Variants in SEC23A observed in about 807,000 individuals in gnomAD.
SEC23A encodes protein transport protein Sec23A.
Under a neutral mutation model 103.7 loss-of-function variants are expected in SEC23A, and 56 were observed. The observed-to-expected ratio is 0.54, with a 90% CI of 0.44 to 0.67. The LOEUF is 0.67. SEC23A is among the 30% of genes least tolerant of loss of function. The pLI is 0.00. For synonymous variants in SEC23A, 281 were observed against 293.0 expected (o/e 0.96, Z 0.42); for missense variants, 784 against 936.4 (o/e 0.84, Z 2.12).
chr14:39,085,321 T>C (rs1407562803), intron 7 of SEC23A, among the ~76,000 whole-genome samples: 1 of 152,170 alleles, frequency 6.6e-6, no homozygotes, highest in African/African-American at 2.4e-5. Context: ...AATATCTTTA[T>C]CATAAACCGA....
chr14:39,069,274 T>C (rs1886768325), intron 9 of SEC23A, among the ~76,000 whole-genome samples: 1 of 152,178 alleles, frequency 6.6e-6, no homozygotes, highest in Non-Finnish European at 1.5e-5. Flanking sequence ...GCGATCCTTT[T>C]AAACTATTAA....
At chr14:39,050,556 G>A (rs1886020993) in intron 14 of SEC23A, among the ~76,000 whole-genome samples, 1 of 152,216 alleles carries the variant, frequency 6.6e-6, no homozygotes. Context: ...AGGATGGCTA[G>A]CAATGCAGCT....
chr14:39,087,086 G>A, intron 5 of SEC23A, 78 bp from the exon 6 acceptor site: 2 of 889,824 alleles, frequency 2.2e-6, no homozygotes, highest in Admixed American at 3.5e-5. Flanking sequence ...TGTATAAAAT[G>A]CTGTGCTAGA....
At chr14:39,081,220 A>AAC (rs1555329702) in intron 7 of SEC23A, among the ~76,000 whole-genome samples, 1 of 151,868 alleles carries the variant, frequency 6.6e-6, no homozygotes, top group Non-Finnish European at 1.5e-5. Context: ...AAAAAAAAAA[A>AAC]ACACACACAC....
At chr14:39,099,068 C>A (rs866789305) in intron 1 of SEC23A, among the ~76,000 whole-genome samples, 2 of 151,244 alleles carry the variant, frequency 1.3e-5, no homozygotes, top group African/African-American at 4.9e-5. Flanking sequence ...ATGAAGTAAA[C>A]CTATCACTTC....
intron 13 of SEC23A, among the ~76,000 whole-genome samples, chr14:39,055,544 A>T (rs1886214971): frequency 6.6e-6 from 1 of 152,082 alleles, no homozygotes; most frequent in African/African-American, 2.4e-5. Context: ...AGTAGCTGGG[A>T]TTACAGGCAC....
In SEC23A at chr14:39,040,853, T is replaced by A; in HGVS notation, c.2021A>T (p.Asp674Val). 6.2e-7 allele frequency: 1 copy of A among 1,614,176 alleles called. No homozygotes were observed. The highest frequency in any genetic ancestry group is 8.5e-7 in the Non-Finnish European group (1 of 1,180,028). ...GCGGAAATTTTCATACTCAGGCATA[T>A]CCTGGTATCCTGACTTCCGCCACTG... ...IAQWRKSGYQ[D>V]MPEYENFRHL... Residue 674 changes from aspartate to valine, a missense_variant, in exon 18 of 20, where the codon GAT (aspartate) becomes GTT (valine). Physicochemically the swap from Asp to Val is radical, Grantham distance 152. Around this residue, in one of 2 missense-constraint regions of SEC23A, gnomAD observed 101 missense variants for 162.2 expected, o/e 0.62. Transcript: ENST00000307712.
At chr14:39,049,286 G>A (rs976448702) in intron 14 of SEC23A, among the ~76,000 whole-genome samples, 15 of 151,974 alleles carry the variant, frequency 9.9e-5, no homozygotes, top group South Asian at 4.2e-4. Flanking sequence ...GACCAGCCTG[G>A]CCAACATGGT....
chr14:39,063,523 A>G (rs1886549773), intron 11 of SEC23A, 110 bp from the exon 12 acceptor site: 2 of 676,320 alleles, frequency 3.0e-6, no homozygotes, highest in Non-Finnish European at 5.1e-6. Context: ...CATGTTTCAA[A>G]CTAATTCAAC....
In SEC23A at chr14:39,095,969, G is replaced by A. The variant is rs1192653094; in HGVS notation, c.150C>T (p.Asp50=). ...ALFTPLKERP[D]LPPIQYEPVL... is the part of the protein sequence containing the mutation. Reference sequence around the variant, plus strand: ...CAGGTTCATATTGAATAGGTGGTAAGTCAGGTCTCTCTTTCAGTGGTGTAA... The same window carrying A: ...CAGGTTCATATTGAATAGGTGGTAAATCAGGTCTCTCTTTCAGTGGTGTAA... The change falls in exon 2 of 20, where the codon GAC becomes GAT. Residue 50 remains aspartate, a synonymous_variant. Coordinates refer to ENST00000307712, the MANE Select transcript of SEC23A (RefSeq NM_006364.4). 3.1e-6 allele frequency: 5 copies of A among 1,614,160 alleles called. No homozygotes were observed. The East Asian group carries it at 1.1e-4, about 36-fold the overall frequency.
At chr14:39,100,279 C>T (rs1376944189) in intron 1 of SEC23A, among the ~76,000 whole-genome samples, 1 of 152,158 alleles carries the variant, frequency 6.6e-6, no homozygotes, top group Non-Finnish European at 1.5e-5. Flanking sequence ...CACAACACTT[C>T]CCTGACTTCC....
At chr14:39,094,938 A>G in intron 2 of SEC23A, 1 of 688,824 alleles carries the variant, frequency 1.5e-6, no homozygotes, top group South Asian at 1.5e-5. Flanking sequence ...TCATTCCAAG[A>G]ATAAGAAGCT....
At chr14:39,097,022 T>G (rs1887912803) in intron 1 of SEC23A, among the ~76,000 whole-genome samples, 3 of 152,188 alleles carry the variant, frequency 2.0e-5, no homozygotes, top group Admixed American at 2.0e-4. Context: ...TTCCCCCAAT[T>G]TATATATCAT....
intron 9 of SEC23A, among the ~76,000 whole-genome samples, chr14:39,068,238 AT>A (rs1273385647): frequency 6.6e-6 from 1 of 152,174 alleles, no homozygotes; most frequent in African/African-American, 2.4e-5. Context: ...GCAACATATT[AT>A]GTTGGTGAGG....
At chr14:39,090,384 C>G (rs775636462) in intron 5 of SEC23A, among the ~76,000 whole-genome samples, 44 of 152,142 alleles carry the variant, frequency 2.9e-4, no homozygotes, top group Non-Finnish European at 5.7e-4. Flanking sequence ...TTATTACTCT[C>G]TTATGGACTA....
At chr14:39,048,182 T>C (rs1469023915) in intron 15 of SEC23A, among the ~76,000 whole-genome samples, 1 of 152,228 alleles carries the variant, frequency 6.6e-6, no homozygotes, top group African/African-American at 2.4e-5. Context: ...AAATATTATA[T>C]ACTTTTCACC....
At chr14:39,072,758 G>A (rs1214239256) in intron 9 of SEC23A, among the ~76,000 whole-genome samples, 2 of 152,158 alleles carry the variant, frequency 1.3e-5, no homozygotes, top group African/African-American at 2.4e-5. Flanking sequence ...TGGCTACAGT[G>A]AGCTATGACT....
intron 19 of SEC23A, among the ~76,000 whole-genome samples, chr14:39,035,283 C>A (rs1281261057): frequency 6.6e-6 from 1 of 152,156 alleles, no homozygotes; most frequent in East Asian, 1.9e-4. Flanking sequence ...CATCATTACT[C>A]ATAAAAATCT....
chr14:39,075,068 T>C lies in SEC23A; in HGVS notation c.988-538A>G, dbSNP rs138038841. On this transcript the variant is annotated intron_variant, in intron 8 of 19. Coordinates refer to ENST00000307712, the MANE Select transcript of SEC23A (RefSeq NM_006364.4). ...CTTACAGTGAGTGGAGATCATGCCA[T>C]TGTACTCCAGTCTGGGCAACAGAGC... Among the ~76,000 whole-genome samples, 793 of 152,114 alleles carry C rather than the reference T, an allele frequency of 5.2e-3. 10 individuals carry two copies. The highest frequency in any genetic ancestry group is 0.018 in the African/African-American group (760 of 41,496).
Sources: allele counts gnomAD v4.1 joint callset (sites outside exome capture counted in the v4.1 genomes callset), GRCh38; gene constraint gnomAD v4.1.1; regional missense constraint gnomAD v4.1.1; transcripts MANE v1.5; gene names NCBI Gene and HGNC (gene_info 2026-07-23, HGNC 2026-07-21).